ZFHX3: variants seen among roughly 807,000 people sequenced by gnomAD.
ZFHX3 encodes zinc finger homeobox 3, also known as zinc finger homeobox protein 3.
ZFHX3 carries 42 observed loss-of-function variants against 279.1 expected under a neutral mutation model. The ratio of observed to expected loss-of-function variants is 0.15; its 90% CI spans 0.12 to 0.19. The LOEUF (loss-of-function observed/expected upper bound fraction) is 0.19. ZFHX3 is among the 10% of genes least tolerant of loss of function. The pLI is 1.00. For missense variants in ZFHX3, 4,981 were observed against 4,754.0 expected, an observed-to-expected ratio of 1.05 and a Z score of -1.40; for synonymous variants, 2,293 against 1,957.8, an observed-to-expected ratio of 1.17 and a Z score of -4.52.
intron 2 of ZFHX3, among the ~76,000 whole-genome samples, chr16:73,457,694 G>A (rs1597342931): frequency 6.6e-6 from 1 of 152,222 alleles, no homozygotes; most frequent in African/African-American, 2.4e-5. Context: ...AGAATCGCTT[G>A]AGCCTGGGAG....
Position 72,787,687 on chromosome 16 carries a change from T to C in ZFHX3, c.10589A>G (p.His3530Arg), listed in dbSNP as rs978437383. The C allele has an allele frequency of 7.5e-6, 11 of 1,464,374 alleles. No individual in the cohort carries two copies. The highest frequency in any genetic ancestry group is 1.0e-5 in the Non-Finnish European group (11 of 1,103,062). 90.7% of individuals were successfully genotyped at this position (1,464,374 alleles called of 1,614,324 possible). The change falls in exon 10 of 10, where the codon CAC becomes CGC. Residue 3530 changes from histidine (H) to arginine (R), a missense_variant. Physicochemically the swap from His to Arg is conservative, Grantham distance 29. Coordinates refer to ENST00000268489, the MANE Select transcript of ZFHX3 (RefSeq NM_006885.4). ...GAGCGCGCTCTCGCACGCCAGGCAG[T>C]GGTACGAGCCGCCGCCGCCGCCGCC... ...GGGGGGGGSY[H>R]CLACESALCG... is the part of the protein sequence containing the mutation.
At chr16:73,106,891 C>T (rs1350560592) in intron 7 of ZFHX3, among the ~76,000 whole-genome samples, 1 of 152,158 alleles carries the variant, frequency 6.6e-6, no homozygotes, top group Non-Finnish European at 1.5e-5. Context: ...ACAAATGGGT[C>T]CGGACACTGC....
chr16:73,352,470 CTCTCTTTTTTTTTTTTTT>C (rs1402480645), intron 3 of ZFHX3, among the ~76,000 whole-genome samples: 2 of 124,392 alleles, frequency 1.6e-5, no homozygotes, highest in Non-Finnish European at 3.1e-5. Context: ...CTCTCTCTCT[CTCTCTTTTTTTTTTTTTT>C]TTTTTTTTTT....
At chr16:73,483,179 G>A (rs1212713268) in intron 2 of ZFHX3, 1 of 345,432 alleles carries the variant, frequency 2.9e-6, no homozygotes, top group Non-Finnish European at 5.6e-6. Flanking sequence ...CCCTCCGAGG[G>A]TGACCCCGGA....
At chr16:73,402,774 G>A (rs2017282699) in intron 3 of ZFHX3, among the ~76,000 whole-genome samples, 1 of 152,210 alleles carries the variant, frequency 6.6e-6, no homozygotes, top group Admixed American at 6.5e-5. Context: ...ATAACTGAGA[G>A]GGAGGGCTGT....
At chr16:73,833,931 C>G (rs973352704) in intron 1 of ZFHX3, among the ~76,000 whole-genome samples, 1 of 151,344 alleles carries the variant, frequency 6.6e-6, no homozygotes, top group African/African-American at 2.4e-5. Context: ...CAGTTGCTTC[C>G]CTCCAAAGTA....
chr16:73,595,977 TTTTTA>T (rs61219527), intron 2 of ZFHX3, among the ~76,000 whole-genome samples: 30,586 of 134,906 alleles, frequency 0.23, 3,714 homozygotes, highest in Non-Finnish European at 0.28. Context: ...GACCATTACT[TTTTTA>T]TTTTATTTTA....
At chr16:73,242,669 G>A (rs1465990120) in intron 5 of ZFHX3, among the ~76,000 whole-genome samples, 1 of 152,226 alleles carries the variant, frequency 6.6e-6, no homozygotes, top group African/African-American at 2.4e-5. Flanking sequence ...ACAGGGAAAT[G>A]CTGCTGGATA....
At chr16:72,839,949 G>A (rs923984913) in intron 4 of ZFHX3, among the ~76,000 whole-genome samples, 2 of 152,076 alleles carry the variant, frequency 1.3e-5, no homozygotes, top group South Asian at 2.1e-4. Flanking sequence ...ACAACCTGCC[G>A]GAAATAAACA....
intron 5 of ZFHX3, among the ~76,000 whole-genome samples, chr16:73,167,313 G>GC (rs1207971522): frequency 6.6e-5 from 10 of 152,276 alleles, no homozygotes; most frequent in African/African-American, 2.4e-4. Flanking sequence ...TTCTGGACCA[G>GC]CCCCCCTCCC....
intron 7 of ZFHX3, among the ~76,000 whole-genome samples, chr16:72,810,632 C>G (rs1293674404): frequency 6.6e-6 from 1 of 152,242 alleles, no homozygotes; most frequent in Non-Finnish European, 1.5e-5. Flanking sequence ...TAGGGGCATG[C>G]TTTCAAAATC....
intron 1 of ZFHX3, among the ~76,000 whole-genome samples, chr16:73,797,361 G>T (rs189442887): frequency 1.9e-3 from 295 of 152,300 alleles, no homozygotes; most frequent in African/African-American, 6.6e-3. Flanking sequence ...GCAGTTTCCT[G>T]ACCTGCTCCT....
At chr16:72,799,910 T>C (rs912162591) in intron 8 of ZFHX3, 117 bp downstream of exon 8, 2 of 894,638 alleles carry the variant, frequency 2.2e-6, no homozygotes, top group African/African-American at 1.6e-5. Context: ...CCTCATCTCC[T>C]GATCAGTTAC....
intron 5 of ZFHX3, among the ~76,000 whole-genome samples, chr16:73,219,756 A>G (rs2012346213): frequency 6.6e-6 from 1 of 152,212 alleles, no homozygotes; most frequent in African/African-American, 2.4e-5. Context: ...CCCAGTCAGT[A>G]GGGTCCCAGG....
In ZFHX3 at chr16:72,842,055, T is replaced by C. The variant is rs577672666; in HGVS notation, c.3449-12196A>G. On this transcript the variant is annotated intron_variant, in intron 4 of 9. Coordinates refer to ENST00000268489, the MANE Select transcript of ZFHX3 (RefSeq NM_006885.4). ...ACAGAAATAAGGGATCTATAGAAAT[T>C]TGTAGCACACAATTACATTTTAAAG... 3.9e-5 allele frequency among the ~76,000 whole-genome samples: 6 copies of C among 152,260 alleles called. No individual in the cohort carries two copies. In the South Asian group the frequency reaches 6.2e-4, roughly 16 times the overall value.
intron 1 of ZFHX3, among the ~76,000 whole-genome samples, chr16:73,695,813 G>T (rs1206030463): frequency 6.6e-6 from 1 of 152,080 alleles, no homozygotes; most frequent in Non-Finnish European, 1.5e-5. Context: ...CTGACTCTAG[G>T]GTACCCATTT....
At chr16:73,669,743 C>T (rs1471953117) in intron 2 of ZFHX3, among the ~76,000 whole-genome samples, 1 of 152,182 alleles carries the variant, frequency 6.6e-6, no homozygotes, top group Non-Finnish European at 1.5e-5. Context: ...TTCAACTAAG[C>T]TTGTTTCCTG....
At chr16:72,973,447 T>C (rs1051321516) in intron 1 of ZFHX3, 19 of 152,270 alleles carry the variant, frequency 1.2e-4, no homozygotes, top group African/African-American at 4.6e-4. Flanking sequence ...CTCCCCATCA[T>C]CTCTGCATTC....
At chr16:73,182,274 C>A (rs944647283) in intron 5 of ZFHX3, among the ~76,000 whole-genome samples, 1 of 152,088 alleles carries the variant, frequency 6.6e-6, no homozygotes, top group Admixed American at 6.5e-5. Context: ...CTGGCCGACA[C>A]AGTGAAACCC....
Sources: gnomAD v4.1 joint callset for allele counts (sites outside exome capture counted in the v4.1 genomes callset) on GRCh38, gnomAD v4.1.1 for gene constraint, MANE v1.5 for transcripts, NCBI Gene and HGNC (gene_info 2026-07-23, HGNC 2026-07-21) for gene names.